IGSF1: variants seen among roughly 807,000 people sequenced by gnomAD.
The protein encoded by IGSF1 is immunoglobulin superfamily member 1.
In IGSF1, 40 loss-of-function variants were observed where a neutral mutation model predicts 95.3. That is an observed-to-expected ratio of 0.42 (90% CI 0.33 to 0.55). The LOEUF (loss-of-function observed/expected upper bound fraction) is 0.55. Among genes scored for constraint, IGSF1 ranks in the 20% least tolerant of loss-of-function variants. The pLI is 0.10. For synonymous variants in IGSF1, 372 were observed against 382.9 expected (o/e 0.97, Z 0.33); for missense variants, 906 against 1,025.4 (o/e 0.88, Z 1.59).
chrX:131,282,572 T>C lies in IGSF1; in HGVS notation c.1118A>G (p.Asp373Gly). ...ATTGTTGAGGAAGAATGATGTGTTGTCATCGATGCTGGTGGCATCCAAAAA... is the reference window on the plus strand; with the variant it reads ...ATTGTTGAGGAAGAATGATGTGTTGCCATCGATGCTGGTGGCATCCAAAAA... Reference protein sequence around the residue: ...LQFLDATSIDDNTSFFLNNVT... With the variant: ...LQFLDATSIDGNTSFFLNNVT... The change falls in exon 7 of 20, where the codon GAC becomes GGC. Residue 373 changes from aspartate to glycine, a missense_variant. Transcript: ENST00000361420. 2.5e-6 allele frequency: 3 copies of C among 1,210,644 alleles called. No individual in the cohort carries two copies. The highest frequency in any genetic ancestry group is 2.2e-6 in the Non-Finnish European group (2 of 894,758).
chrX:131,287,177 G>GTGTA (rs1556203385), intron 1 of IGSF1, among the ~76,000 whole-genome samples: 27 of 98,184 alleles, frequency 2.7e-4, no homozygotes, highest in African/African-American at 4.5e-4. Flanking sequence ...GTGTGTGTGT[G>GTGTA]TATATATATA....
chrX:131,278,880 C>G, intron 11 of IGSF1, 129 bp from the exon 12 acceptor site: 6 of 642,890 alleles, frequency 9.3e-6, no homozygotes, highest in Non-Finnish European at 1.4e-5. Flanking sequence ...CCCTTTCCTT[C>G]TTTCCTTCCT....
At chrX:131,282,009 A>G in intron 7 of IGSF1, 65 bp from the exon 8 acceptor site, 1 of 1,009,198 alleles carries the variant, frequency 9.9e-7, no homozygotes, top group East Asian at 3.1e-5. Context: ...CCCCCAGAAA[A>G]TGTTTCTGAG....
At position 131,279,158 on chromosome X, in the gene IGSF1, A is replaced by G; in HGVS notation, c.1735T>C (p.Leu579=). 1.7e-6 allele frequency: 2 copies of G among 1,209,933 alleles called. No homozygotes were observed. The highest frequency in any genetic ancestry group is 2.2e-6 in the Non-Finnish European group (2 of 893,969). The change falls in exon 11 of 20, where the codon TTG becomes CTG. Residue 579 remains leucine, a synonymous_variant. Coordinates refer to ENST00000361420, the MANE Select transcript of IGSF1 (RefSeq NM_001555.5). Reference sequence around the variant, plus strand: ...AAAAACTCACCAGTCTCTTCTATCAATACCCCATTGCACAGTCCTGCAAAA... The same window carrying G: ...AAAAACTCACCAGTCTCTTCTATCAGTACCCCATTGCACAGTCCTGCAAAA... ...LLCCGLCNGV[L]IEETEIVMPT...
At chrX:131,278,268 C>T in intron 12 of IGSF1, 134 bp from the exon 13 acceptor site, 1 of 736,977 alleles carries the variant, frequency 1.4e-6, no homozygotes, top group Non-Finnish European at 2.0e-6. Context: ...AGTCTCCTCA[C>T]ACTCTCTTTC....
intron 8 of IGSF1, 28 bp from the exon 9 acceptor site, chrX:131,281,366 G>A: frequency 1.7e-6 from 2 of 1,207,893 alleles, no homozygotes; most frequent in Non-Finnish European, 2.2e-6. Context: ...CAGAATCAGA[G>A]GCCTTGATGG....
chrX:131,276,366 GAAAA>G (rs199533488), intron 14 of IGSF1, 118 bp from the exon 15 acceptor site: 2 of 549,873 alleles, frequency 3.6e-6, no homozygotes, highest in African/African-American at 2.5e-5. Flanking sequence ...AGAAAATATA[GAAAA>G]AAAAACTAAT....
In IGSF1 at chrX:131,283,023, A is replaced by G; in HGVS notation, c.909T>C (p.Tyr303=). The stretch of plus-strand genomic sequence containing the variant: ...GGACATCACTAAGGAGTGAACCTCT[A>G]TATGATGCGTCATAGTAAAAACAGA... ...HYLCFYYDAS[Y]RGSLLSDVLK... is the part of the protein sequence containing the mutation. Residue 303 remains tyrosine (Y), a synonymous_variant, in exon 6 of 20, where the codon TAT becomes TAC. Coordinates refer to ENST00000361420, the MANE Select transcript of IGSF1 (RefSeq NM_001555.5). 1 of 1,206,169 alleles carries G rather than the reference A, an allele frequency of 8.3e-7. No individual in the cohort carries two copies. The highest frequency in any genetic ancestry group is 1.8e-5 in the South Asian group (1 of 56,871).
Position 131,274,173 on chromosome X carries a change from A to G in IGSF1, c.3785T>C (p.Ile1262Thr), listed in dbSNP as rs1176829403. Residue 1262 changes from isoleucine (I) to threonine (T), a missense_variant, in exon 19 of 20, where the codon ATT becomes ACT. Ile to Thr is a moderately conservative substitution (Grantham distance 89). Coordinates refer to ENST00000361420, the MANE Select transcript of IGSF1 (RefSeq NM_001555.5). Reference sequence around the variant, plus strand: ...CACCACGATTAGGCTACTTCGGACAATGTTCCCTACAGTGCACTCCTGAGC... The same window carrying G: ...CACCACGATTAGGCTACTTCGGACAGTGTTCCCTACAGTGCACTCCTGAGC... Reference protein sequence around the residue: ...PVAQECTVGNIVRSSLIVVVV... With the variant: ...PVAQECTVGNTVRSSLIVVVV... 2 of 1,209,521 alleles carry G rather than the reference A, an allele frequency of 1.7e-6. No individual in the cohort carries two copies. Among genetic ancestry groups the G allele is most frequent in the Non-Finnish European group, 2.2e-6 (2 of 894,965 alleles).
At chrX:131,286,114 C>T (rs2080632956) in intron 3 of IGSF1, 66 bp from the exon 4 acceptor site, 2 of 999,708 alleles carry the variant, frequency 2.0e-6, no homozygotes, top group African/African-American at 3.8e-5. Flanking sequence ...ACATGTCCCA[C>T]AATGTCCCTT....
chrX:131,282,315 GTGTGTGTA>G, intron 7 of IGSF1, 121 bp downstream of exon 7: 1 of 505,016 alleles, frequency 2.0e-6, no homozygotes, highest in Non-Finnish European at 3.3e-6. Flanking sequence ...TAGTGCGTGT[GTGTGTGTA>G]TGTGTGTGTG....
Position 131,281,248 on chromosome X carries a change from A to G in IGSF1, c.1616T>C (p.Ile539Thr). The G allele has an allele frequency of 8.3e-7, 1 of 1,211,004 alleles. No individual in the cohort carries two copies. The highest frequency in any genetic ancestry group is 3.0e-5 in the East Asian group (1 of 33,826). The change falls in exon 9 of 20, where the codon ATA (isoleucine) becomes ACA (threonine). Residue 539 changes from isoleucine (I) to threonine (T), a missense_variant. This residue lies in a region of IGSF1 where 442 missense variants were observed against 448.1 expected (regional missense o/e 0.99). Coordinates refer to ENST00000361420, the MANE Select transcript of IGSF1 (RefSeq NM_001555.5). ...LVALLLVVLW[I>T]RWKCRRLRIR... is the part of the protein sequence containing the mutation. The stretch of plus-strand genomic sequence containing the variant: ...TCTGAGTCTCCGACACTTCCACCTT[A>G]TCCACAGCACTACCAACAGCAAGGC...
chrX:131,289,071 C>T (rs1009176985), intron 1 of IGSF1, 143 bp downstream of exon 1: 5 of 315,907 alleles, frequency 1.6e-5, no homozygotes, highest in Admixed American at 3.1e-5. Context: ...AGGAATGAAG[C>T]GGGTGGGGGG....
chrX:131,286,180 G>C, intron 3 of IGSF1, 132 bp from the exon 4 acceptor site: 2 of 598,519 alleles, frequency 3.3e-6, no homozygotes, highest in Non-Finnish European at 5.2e-6. Flanking sequence ...ACAGGAGTGT[G>C]CTCCTGTGGG....
chrX:131,277,160 G>A lies in IGSF1; in HGVS notation c.2387C>T (p.Thr796Ile). 1 of 1,211,244 alleles carries A rather than the reference G, an allele frequency of 8.3e-7. No individual in the cohort carries two copies. Residue 796 changes from threonine to isoleucine, a missense_variant, in exon 14 of 20, where the codon ACT becomes ATT. This residue lies in a region of IGSF1 where 411 missense variants were observed against 494.9 expected (regional missense o/e 0.83). Transcript: ENST00000361420. ...CTGGTGGGGGGTGGAGCAATTGAAA[G>A]TCACTCGGGCACCAGGGGTGACCAC... The part of the protein sequence containing the change: ...SPVVTPGARV[T>I]FNCSTPHQHM...
rs1351208091 is a variant in IGSF1, at chrX:131,282,627, A to G, written c.1063T>C (p.Tyr355His). 2.5e-6 allele frequency: 3 copies of G among 1,208,015 alleles called. No individual in the cohort carries two copies. Among genetic ancestry groups the G allele is most frequent in the Middle Eastern group, 2.3e-4 (1 of 4,360 alleles). ...GPVDGVGLAL[Y>H]KKGEDKPLQF... ...AGTGGTTTGTCTTCTCCTTTCTTAT[A>G]GAGTGCAAGACCCACTCCATCCACT... The change falls in exon 7 of 20, where the codon TAT becomes CAT. Residue 355 changes from tyrosine to histidine, a missense_variant. Coordinates refer to ENST00000361420, the MANE Select transcript of IGSF1 (RefSeq NM_001555.5).
intron 6 of IGSF1, 103 bp from the exon 7 acceptor site, chrX:131,282,840 C>A: frequency 1.1e-6 from 1 of 950,110 alleles, no homozygotes; most frequent in Admixed American, 2.8e-5. Flanking sequence ...TTGGAAAAAC[C>A]TGCCTACACC....
At chrX:131,284,499 C>G in intron 5 of IGSF1, 4 of 752,949 alleles carry the variant, frequency 5.3e-6, no homozygotes, top group Non-Finnish European at 6.3e-6. Context: ...GCCTATTTAG[C>G]TGGATAGAGA....
At chrX:131,283,362 C>T (rs1015808760) in intron 5 of IGSF1, 98 bp from the exon 6 acceptor site, 4 of 731,230 alleles carry the variant, frequency 5.5e-6, no homozygotes, top group Non-Finnish European at 8.1e-6. Context: ...GAAGTGGTAG[C>T]TGAAGTTTAC....
Sources: gnomAD v4.1 joint callset for allele counts (sites outside exome capture counted in the v4.1 genomes callset) on GRCh38, gnomAD v4.1.1 for gene constraint, gnomAD v4.1.1 regional missense constraint, MANE v1.5 for transcripts, NCBI Gene and HGNC (gene_info 2026-07-23, HGNC 2026-07-21) for gene names.